The following PLSCR2 variants were observed in gnomAD, a reference collection of about 807,000 sequenced individuals.
PLSCR2 encodes the protein phospholipid scramblase 2.
Under a neutral mutation model 25.3 loss-of-function variants are expected in PLSCR2, and 18 were observed. The observed-to-expected ratio is 0.71, with a 90% CI of 0.49 to 1.06. The LOEUF (loss-of-function observed/expected upper bound fraction) is 1.06. Ranked by LOEUF, PLSCR2 falls within the 50% of genes least tolerant of loss-of-function variation. The probability of loss-of-function intolerance (pLI) is 0.00; values close to 1 mark genes in which losing one functional copy is unlikely to be tolerated. For synonymous variants in PLSCR2, 88 were observed against 87.3 expected, an observed-to-expected ratio of 1.01 and a Z score of -0.04; for missense variants, 243 against 269.5, an observed-to-expected ratio of 0.90 and a Z score of 0.69.
At chr3:146,440,916 G>A (rs977139526), downstream of PLSCR2, among the ~76,000 whole-genome samples, 6 of 152,220 alleles carry the variant, frequency 3.9e-5, no homozygotes, top group Non-Finnish European at 5.9e-5. Flanking sequence ...ATTTACACCT[G>A]ATTAATCTTG....
intron 3 of PLSCR2, among the ~76,000 whole-genome samples, chr3:146,392,433 T>C (rs1291225712): frequency 6.6e-6 from 1 of 152,104 alleles, no homozygotes; most frequent in Non-Finnish European, 1.5e-5. Flanking sequence ...TTGTGTGTTT[T>C]TGGAGACGCT....
chr3:146,421,716 C>T (rs1468962496), intron 2 of PLSCR2, among the ~76,000 whole-genome samples: 1 of 152,106 alleles, frequency 6.6e-6, no homozygotes, highest in African/African-American at 2.4e-5. Context: ...TGAATACTCA[C>T]ATGTGTTTAT....
intron 1 of PLSCR2, among the ~76,000 whole-genome samples, chr3:146,491,333 G>A (rs750179539): frequency 1.3e-4 from 19 of 151,630 alleles, no homozygotes; most frequent in African/African-American, 2.7e-4. Context: ...TATGTGTCTC[G>A]GGGATGTTTT....
downstream of PLSCR2, among the ~76,000 whole-genome samples, chr3:146,437,601 G>A (rs2039957331): frequency 6.6e-6 from 1 of 152,114 alleles, no homozygotes; most frequent in African/African-American, 2.4e-5. Flanking sequence ...TTGTATTTCT[G>A]TGGGATCAGT....
chr3:146,483,485 A>ATATATATATATATATACACGTG (rs2043226491), intron 1 of PLSCR2, among the ~76,000 whole-genome samples: 3 of 85,664 alleles, frequency 3.5e-5, no homozygotes, highest in Non-Finnish European at 7.0e-5. Context: ...ATGTGTATAT[A>ATATATATATATATATACACGTG]TATATATATA....
At chr3:146,448,759 T>C (rs1315411967) in intron 6 of PLSCR2, among the ~76,000 whole-genome samples, 2 of 152,216 alleles carry the variant, frequency 1.3e-5, no homozygotes, top group Non-Finnish European at 2.9e-5. Flanking sequence ...ATGTATTTCC[T>C]GTAAATTGAT....
At chr3:146,409,998 T>C (rs1190667880) in intron 2 of PLSCR2, among the ~76,000 whole-genome samples, 5 of 152,124 alleles carry the variant, frequency 3.3e-5, no homozygotes, top group African/African-American at 1.2e-4. Flanking sequence ...CAGTTGTATC[T>C]AGGCGTTTTC....
chr3:146,472,458 C>T (rs1192708127), intron 1 of PLSCR2, among the ~76,000 whole-genome samples: 3 of 152,282 alleles, frequency 2.0e-5, no homozygotes, highest in African/African-American at 7.2e-5. Flanking sequence ...AGTTATTTCT[C>T]ATAGTCCTGG....
chr3:146,489,364 T>C (rs1349689130), intron 1 of PLSCR2, among the ~76,000 whole-genome samples: 2 of 152,070 alleles, frequency 1.3e-5, no homozygotes, highest in Non-Finnish European at 2.9e-5. Context: ...GGGGAAACGT[T>C]ATTTCTTTTC....
downstream of PLSCR2, among the ~76,000 whole-genome samples, chr3:146,431,446 G>A (rs1347211138): frequency 5.3e-5 from 8 of 152,242 alleles, no homozygotes; most frequent in East Asian, 1.2e-3. Flanking sequence ...AATGCTTGCT[G>A]CATGATGACA....
At chr3:146,489,105 G>T (rs2043452366) in intron 1 of PLSCR2, among the ~76,000 whole-genome samples, 1 of 152,082 alleles carries the variant, frequency 6.6e-6, no homozygotes. Flanking sequence ...TCATAAGTGG[G>T]AGCTCAACAA....
intron 1 of PLSCR2, chr3:146,469,236 G>C (rs1340622315): frequency 1.0e-6 from 1 of 985,498 alleles, no homozygotes; most frequent in Non-Finnish European, 1.2e-6. Context: ...TGTAGCTAAG[G>C]GGAAGCTGAG....
chr3:146,451,185 G>A (rs2040873955), intron 5 of PLSCR2, among the ~76,000 whole-genome samples: 1 of 132,168 alleles, frequency 7.6e-6, no homozygotes, highest in Non-Finnish European at 1.5e-5. Flanking sequence ...CGCGATCTCC[G>A]CTCACTGCAA....
At chr3:146,468,632 C>G (rs1434028417) in intron 1 of PLSCR2, among the ~76,000 whole-genome samples, 1 of 152,176 alleles carries the variant, frequency 6.6e-6, no homozygotes, top group Non-Finnish European at 1.5e-5. Flanking sequence ...TGCTCAAAAA[C>G]CTTTCCTAAC....
At position 146,435,199 on chromosome 3, in the gene PLSCR2, C is replaced by G. The variant is rs544021062; in HGVS notation, c.*35-1682G>C. 7.2e-5 allele frequency among the ~76,000 whole-genome samples: 11 copies of G among 152,212 alleles called. No individual in the cohort carries two copies. In the South Asian group the frequency reaches 2.3e-3, roughly 32 times the overall value. ...ATGGATATTTGGGTTGGTTCCAAGT[C>G]TTTGCTATTATGAATAGTGCCACAA... On this transcript the variant is annotated intron_variant, in intron 8 of 8. Transcript: ENST00000336685.
At chr3:146,460,544 C>G (rs934690443), upstream of PLSCR2, among the ~76,000 whole-genome samples, 36 of 151,648 alleles carry the variant, frequency 2.4e-4, 1 homozygote, top group Non-Finnish European at 1.0e-4. Context: ...TAACAAATGA[C>G]ATATCCTATA....
chr3:146,478,592 T>C (rs2043015046), intron 1 of PLSCR2, among the ~76,000 whole-genome samples: 1 of 152,192 alleles, frequency 6.6e-6, no homozygotes. Flanking sequence ...TATGGAGCTA[T>C]GTGAAAAGAC....
chr3:146,396,781 G>A (rs1559966216), intron 2 of PLSCR2, among the ~76,000 whole-genome samples: 1 of 152,090 alleles, frequency 6.6e-6, no homozygotes, highest in Non-Finnish European at 1.5e-5. Flanking sequence ...TGTAAGTAGT[G>A]CTAAGGAATA....
intron 2 of PLSCR2, among the ~76,000 whole-genome samples, chr3:146,424,762 G>C (rs915101130): frequency 1.3e-4 from 19 of 151,744 alleles, no homozygotes; most frequent in Admixed American, 6.6e-4. Context: ...TCTTTGTCCA[G>C]CAGATCCACA....
Sources: gnomAD v4.1 joint callset for allele counts (sites outside exome capture counted in the v4.1 genomes callset) on GRCh38, gnomAD v4.1.1 for gene constraint, MANE v1.5 for transcripts, NCBI Gene and HGNC (gene_info 2026-07-23, HGNC 2026-07-21) for gene names.